ITPK1: variants seen among roughly 807,000 people sequenced by gnomAD.
ITPK1 encodes inositol-tetrakisphosphate 1-kinase.
ITPK1 carries 21 observed loss-of-function variants against 45.3 expected under a neutral mutation model. The ratio of observed to expected loss-of-function variants is 0.46; its 90% confidence interval spans 0.33 to 0.67. The LOEUF is 0.67. Ranked by LOEUF, ITPK1 falls within the 30% of genes least tolerant of loss-of-function variation. ITPK1 has a pLI of 0.02. For missense variants in ITPK1, 474 were observed against 573.5 expected (o/e 0.83, Z 1.77); for synonymous variants, 258 against 253.6 (o/e 1.02, Z -0.16).
intron 10 of ITPK1, among the ~76,000 whole-genome samples, chr14:92,946,114 G>A (rs1425089375): frequency 3.3e-5 from 5 of 152,132 alleles, no homozygotes; most frequent in African/African-American, 4.8e-5. Flanking sequence ...TGTGCCTGGC[G>A]CTCCCCAGGT....
At chr14:92,961,285 C>T (rs546701203) in intron 7 of ITPK1, among the ~76,000 whole-genome samples, 1 of 152,310 alleles carries the variant, frequency 6.6e-6, no homozygotes, top group Admixed American at 6.5e-5. Context: ...GTGGTACGGG[C>T]CCTGGCCCCA....
chr14:92,938,635 AGC>A lies in ITPK1; in HGVS notation c.*2924_*2925del. The A allele has an allele frequency of 4.4e-6, 4 of 904,244 alleles. No individual in the cohort carries two copies. Among genetic ancestry groups the A allele is most frequent in the Non-Finnish European group, 5.4e-6 (3 of 557,942 alleles). The allele number at this position is 904,244 out of a possible 1,614,324, so 56.0% of individuals were successfully genotyped here. A position where few individuals can be genotyped will look rare whatever the true frequency, so the allele number is the denominator to read the frequency against. On this transcript the variant is annotated 3_prime_UTR_variant, in exon 11 of 11. Coordinates refer to ENST00000267615, the MANE Select transcript of ITPK1 (RefSeq NM_014216.6). Reference sequence around the variant, plus strand: ...AGCCCCATGGAACCTGCCAGGTTGCAGCTGGGTCCAATCCCGCCGGCCATGCT... The same window carrying A: ...AGCCCCATGGAACCTGCCAGGTTGCATGGGTCCAATCCCGCCGGCCATGCT...
At position 93,014,825 on chromosome 14, in the gene ITPK1, G is replaced by A. The variant is rs774606251; in HGVS notation, c.246+1851C>T. On this transcript the variant is annotated intron_variant, in intron 4 of 10. Transcript: ENST00000267615. The surrounding 1 kb of genome is among the most constrained non-coding windows in gnomAD (Gnocchi z 4.4). ...GGGTCAACCGCCATGAAGCGCTTTC[G>A]AGCAGGGCTTGGTAAGCGGTAACTG... 1.3e-5 allele frequency among the ~76,000 whole-genome samples: 2 copies of A among 152,256 alleles called. No homozygotes were observed. Among genetic ancestry groups the A allele is most frequent in the African/African-American group, 2.4e-5 (1 of 41,460 alleles).
chr14:92,991,015 G>A (rs1385951282), intron 5 of ITPK1, among the ~76,000 whole-genome samples: 2 of 151,216 alleles, frequency 1.3e-5, no homozygotes, highest in African/African-American at 4.9e-5. Context: ...GGGGCAGGGG[G>A]GGTGACAACC....
intron 3 of ITPK1, among the ~76,000 whole-genome samples, chr14:93,018,388 C>T (rs987764529): frequency 3.3e-5 from 5 of 152,092 alleles, no homozygotes; most frequent in Non-Finnish European, 7.4e-5. Context: ...TGCTGGCTCT[C>T]GGGCCTGCCC....
In ITPK1 at chr14:92,940,898, G is replaced by T. The variant is rs1372633846; in HGVS notation, c.*663C>A. 3 of 1,288,270 alleles carry T rather than the reference G, an allele frequency of 2.3e-6. No homozygotes were observed. The highest frequency in any genetic ancestry group is 3.0e-5 in the African/African-American group (2 of 65,820). The allele number at this position is 1,288,270 out of a possible 1,614,324, so 79.8% of individuals were successfully genotyped here. On this transcript the variant is annotated 3_prime_UTR_variant, in exon 11 of 11. Transcript: ENST00000267615. ...GGGCTAAATGGGACGTGTGTTGGGGGGCCCAGAGGACGCCCAGCTTCCTTT... is the reference window on the plus strand; with the variant it reads ...GGGCTAAATGGGACGTGTGTTGGGGTGCCCAGAGGACGCCCAGCTTCCTTT...
chr14:92,977,227 A>G (rs1885991717), intron 5 of ITPK1, among the ~76,000 whole-genome samples: 1 of 152,220 alleles, frequency 6.6e-6, no homozygotes, highest in Non-Finnish European at 1.5e-5. Flanking sequence ...CATCACTGGT[A>G]TTACTATTTG....
chr14:92,995,997 T>G (rs887095734), intron 4 of ITPK1, among the ~76,000 whole-genome samples: 1 of 152,224 alleles, frequency 6.6e-6, no homozygotes, highest in Non-Finnish European at 1.5e-5. Context: ...AGCTTGTTCT[T>G]TTAAATGCAG....
chr14:92,990,364 C>G (rs574726549), intron 5 of ITPK1, among the ~76,000 whole-genome samples: 2 of 150,130 alleles, frequency 1.3e-5, no homozygotes, highest in Non-Finnish European at 1.5e-5. Flanking sequence ...ATGGGCAGAC[C>G]ACAGAAGAAT....
At chr14:92,972,635 T>G (rs908872803) in intron 5 of ITPK1, among the ~76,000 whole-genome samples, 1 of 152,224 alleles carries the variant, frequency 6.6e-6, no homozygotes, top group Non-Finnish European at 1.5e-5. Context: ...GTCACCCAGG[T>G]TGGAGTGCAG....
chr14:93,040,544 T>C lies in ITPK1; in HGVS notation c.121-23743A>G, dbSNP rs549134929. On this transcript the variant is annotated intron_variant, in intron 3 of 10. Transcript: ENST00000267615. ...GCCCAGGCACCCTGCAGACACTGTA[T>C]ACACCAAATACTTGGAGTTCCCCCA... Among the ~76,000 whole-genome samples the C allele has an allele frequency of 4.6e-5, 7 of 152,332 alleles. 1 individual carries two copies. The South Asian group carries it at 1.4e-3, about 32-fold the overall frequency.
chr14:92,947,950 A>G (rs182305944), intron 9 of ITPK1, among the ~76,000 whole-genome samples: 1 of 152,322 alleles, frequency 6.6e-6, no homozygotes, highest in East Asian at 1.9e-4. Context: ...CCCAGCGTGC[A>G]TCCACAGATG....
chr14:93,066,199 G>C (rs749508812), intron 3 of ITPK1: 1 of 454,672 alleles, frequency 2.2e-6, no homozygotes, highest in Admixed American at 2.4e-5. Flanking sequence ...TAGACACAGC[G>C]CACATCAGGG....
intron 4 of ITPK1, among the ~76,000 whole-genome samples, chr14:92,995,328 C>A (rs1431647240): frequency 6.6e-6 from 1 of 152,228 alleles, no homozygotes. Context: ...GCTGGGGAAA[C>A]ACACCCCAGT....
At chr14:93,043,326 G>C (rs1889640905) in intron 3 of ITPK1, among the ~76,000 whole-genome samples, 1 of 152,182 alleles carries the variant, frequency 6.6e-6, no homozygotes, top group African/African-American at 2.4e-5. Flanking sequence ...AGAGATGTGG[G>C]GCAGGTGGAT....
chr14:93,040,686 C>T (rs114498412), intron 3 of ITPK1, among the ~76,000 whole-genome samples: 7 of 152,198 alleles, frequency 4.6e-5, no homozygotes, highest in Admixed American at 6.5e-5. Context: ...CTCTCCCCCC[C>T]GCAGGAGGCT....
At chr14:92,984,669 T>C (rs1335128885) in intron 5 of ITPK1, among the ~76,000 whole-genome samples, 1 of 152,182 alleles carries the variant, frequency 6.6e-6, no homozygotes, top group Non-Finnish European at 1.5e-5. Context: ...TTTTCCTTAT[T>C]TTGCCTTTCC....
At chr14:93,042,678 G>A (rs550028655) in intron 3 of ITPK1, among the ~76,000 whole-genome samples, 1 of 152,236 alleles carries the variant, frequency 6.6e-6, no homozygotes, top group South Asian at 2.1e-4. Flanking sequence ...AGAAACTGGT[G>A]GGCAAAGAAA....
chr14:92,951,132 C>G (rs1887936038), intron 9 of ITPK1, among the ~76,000 whole-genome samples: 1 of 152,258 alleles, frequency 6.6e-6, no homozygotes. Context: ...CCCAGAAGAG[C>G]AGCACACATG....
Sources: gnomAD v4.1 joint callset for allele counts (sites outside exome capture counted in the v4.1 genomes callset) on GRCh38, gnomAD v4.1.1 for gene constraint, Gnocchi (gnomAD v3.1) non-coding constraint, MANE v1.5 for transcripts, NCBI Gene and HGNC (gene_info 2026-07-23, HGNC 2026-07-21) for gene names.